Variants in CMSS1 observed in about 807,000 individuals in gnomAD.
CMSS1 encodes the protein protein CMSS1.
CMSS1 carries 33 observed loss-of-function variants against 43.5 expected under a neutral mutation model. That is an observed-to-expected ratio of 0.76 (90% confidence interval 0.57 to 1.01). CMSS1 has a LOEUF of 1.01. Ranked by LOEUF, CMSS1 falls within the 50% of genes least tolerant of loss-of-function variation. The pLI is 0.00. For synonymous variants in CMSS1, 115 were observed against 117.2 expected (o/e 0.98, Z 0.12); for missense variants, 313 against 326.4 (o/e 0.96, Z 0.32).
At chr3:99,913,815 C>T (rs1306554052) in intron 1 of CMSS1, among the ~76,000 whole-genome samples, 1 of 152,150 alleles carries the variant, frequency 6.6e-6, no homozygotes, top group Non-Finnish European at 1.5e-5. Context: ...AAAGAAAAAA[C>T]GTAGAAAACA....
chr3:99,943,426 G>A (rs961790814), intron 1 of CMSS1, among the ~76,000 whole-genome samples: 20 of 152,122 alleles, frequency 1.3e-4, no homozygotes, highest in African/African-American at 4.1e-4. Context: ...AAATCTTGCC[G>A]GGTATGGTGG....
At chr3:100,004,468 A>G (rs1052978531) in intron 1 of CMSS1, among the ~76,000 whole-genome samples, 1 of 152,230 alleles carries the variant, frequency 6.6e-6, no homozygotes, top group East Asian at 1.9e-4. Context: ...GAAAAATCCA[A>G]TGAGGTCACC....
intron 1 of CMSS1, among the ~76,000 whole-genome samples, chr3:100,130,348 T>C (rs2066696184): frequency 6.6e-6 from 1 of 152,244 alleles, no homozygotes; most frequent in African/African-American, 2.4e-5. Flanking sequence ...AGGTCTTCTC[T>C]AAAAGTTTGT....
At chr3:100,078,540 T>A (rs2065884133) in intron 1 of CMSS1, among the ~76,000 whole-genome samples, 1 of 152,052 alleles carries the variant, frequency 6.6e-6, no homozygotes, top group East Asian at 1.9e-4. Context: ...TTGCAAGAAT[T>A]GTCTTGGGCC....
intron 1 of CMSS1, among the ~76,000 whole-genome samples, chr3:100,054,375 A>G (rs1040725896): frequency 2.0e-5 from 3 of 152,174 alleles, no homozygotes; most frequent in East Asian, 3.8e-4. Context: ...ACCTAGGCCT[A>G]CATTCTTGTA....
chr3:100,017,311 T>C lies in CMSS1; in HGVS notation c.65-129662T>C, dbSNP rs140293835. ...AGCAAAGGTTTTTGGGGCTCCAGTG[T>C]AGATTGGAGCAGTGAAGTTAGATGA... On this transcript the variant is annotated intron_variant, in intron 1 of 9. Transcript: ENST00000421999. Among the ~76,000 whole-genome samples the C allele has an allele frequency of 5.1e-3, 773 of 152,314 alleles. 5 individuals are homozygous for C. Among genetic ancestry groups the C allele is most frequent in the African/African-American group, 0.018 (730 of 41,570 alleles).
chr3:100,010,778 ATTTTTT>A (rs11371196), intron 1 of CMSS1, among the ~76,000 whole-genome samples: 6 of 93,678 alleles, frequency 6.4e-5, no homozygotes, highest in African/African-American at 1.8e-4. Context: ...CCACGCCCGG[ATTTTTT>A]TTTTTTTTTT....
At chr3:100,129,142 A>T (rs1466737915) in intron 1 of CMSS1, among the ~76,000 whole-genome samples, 1 of 152,152 alleles carries the variant, frequency 6.6e-6, no homozygotes, top group African/African-American at 2.4e-5. Flanking sequence ...GTAGTATCAC[A>T]TTGCATTTTA....
intron 1 of CMSS1, among the ~76,000 whole-genome samples, chr3:100,142,896 C>T (rs957165191): frequency 2.0e-5 from 3 of 152,186 alleles, no homozygotes; most frequent in African/African-American, 4.8e-5. Context: ...TTTGGGCACT[C>T]ATATGTACCC....
chr3:100,110,723 T>A (rs983177767), intron 1 of CMSS1, among the ~76,000 whole-genome samples: 4 of 152,202 alleles, frequency 2.6e-5, no homozygotes, highest in Admixed American at 2.0e-4. Flanking sequence ...CCATTACCTG[T>A]GCTTACCATT....
intron 1 of CMSS1, among the ~76,000 whole-genome samples, chr3:99,864,569 C>CA: frequency 6.6e-6 from 1 of 152,236 alleles, no homozygotes; most frequent in East Asian, 1.9e-4. Context: ...AAACCCCAGA[C>CA]AAAAAATGTT....
chr3:100,119,489 C>A lies in CMSS1; in HGVS notation c.65-27484C>A, dbSNP rs373580672. On this transcript the variant is annotated intron_variant, in intron 1 of 9. Transcript: ENST00000421999. ...GCAATTGCCAAGCATACTTGTCTCT[C>A]CCCCACTAATGGGAAGTTCTTGGGG... Among the ~76,000 whole-genome samples the A allele has an allele frequency of 1.2e-4, 18 of 152,326 alleles. No individual in the cohort carries two copies. In the East Asian group the frequency reaches 3.1e-3, roughly 26 times the overall value.
chr3:99,818,102 C>G, intron 1 of CMSS1, 59 bp downstream of exon 1: 1 of 1,521,238 alleles, frequency 6.6e-7, no homozygotes, highest in Non-Finnish European at 9.0e-7. Flanking sequence ...CCGTGCGCCT[C>G]AGCCCTGGTC....
chr3:99,933,379 A>G (rs181841494), intron 1 of CMSS1, among the ~76,000 whole-genome samples: 5 of 152,324 alleles, frequency 3.3e-5, no homozygotes. Context: ...AAGGCATAGA[A>G]GGGATATTTT....
intron 1 of CMSS1, among the ~76,000 whole-genome samples, chr3:100,062,189 G>GC (rs2107347662): frequency 7.5e-6 from 1 of 132,810 alleles, no homozygotes; most frequent in Admixed American, 8.6e-5. Flanking sequence ...TTGGCTCACT[G>GC]CAAGCTCCGC....
intron 1 of CMSS1, among the ~76,000 whole-genome samples, chr3:100,072,509 G>A (rs1052310259): frequency 6.6e-6 from 1 of 152,214 alleles, no homozygotes; most frequent in Non-Finnish European, 1.5e-5. Flanking sequence ...GGCATTTGCA[G>A]TGGTGCAATA....
At chr3:100,111,467 T>C (rs886721924) in intron 1 of CMSS1, among the ~76,000 whole-genome samples, 12 of 152,122 alleles carry the variant, frequency 7.9e-5, no homozygotes, top group Non-Finnish European at 1.5e-4. Context: ...TCCTACTACA[T>C]AGGGTCAAGT....
At chr3:99,928,738 G>C (rs2107660072) in intron 1 of CMSS1, among the ~76,000 whole-genome samples, 1 of 152,318 alleles carries the variant, frequency 6.6e-6, no homozygotes, top group Non-Finnish European at 1.5e-5. Flanking sequence ...TGAGCTCACA[G>C]GGGTTGGGGA....
At chr3:100,005,099 G>A (rs1709951253) in intron 1 of CMSS1, among the ~76,000 whole-genome samples, 1 of 152,188 alleles carries the variant, frequency 6.6e-6, no homozygotes, top group Admixed American at 6.5e-5. Context: ...TTATGAATAG[G>A]AAAGCCAGCT....
Sources: allele counts gnomAD v4.1 joint callset (sites outside exome capture counted in the v4.1 genomes callset), GRCh38; gene constraint gnomAD v4.1.1; transcripts MANE v1.5; gene names NCBI Gene and HGNC (gene_info 2026-07-23, HGNC 2026-07-21).